PTPRM: variants seen among roughly 807,000 people sequenced by gnomAD.
PTPRM encodes receptor-type tyrosine-protein phosphatase mu.
In PTPRM, 47 loss-of-function variants were observed where a neutral mutation model predicts 186.7. The ratio of observed to expected loss-of-function variants is 0.25; its 90% CI spans 0.20 to 0.32. PTPRM has a LOEUF of 0.32. Among genes scored for constraint, PTPRM ranks in the 10% least tolerant of loss-of-function variants. The pLI is 1.00. For missense variants in PTPRM, 1,494 were observed against 1,865.0 expected (o/e 0.80, Z 3.66); for synonymous variants, 668 against 674.9 (o/e 0.99, Z 0.16).
intron 19 of PTPRM, among the ~76,000 whole-genome samples, chr18:8,274,248 G>A (rs6417047): frequency 0.5 from 76,240 of 151,988 alleles, 19,457 homozygotes; most frequent in African/African-American, 0.57. Flanking sequence ...TGACCCCTTA[G>A]CCATTTTAAA....
At chr18:7,630,124 G>A (rs2038157080) in intron 1 of PTPRM, among the ~76,000 whole-genome samples, 1 of 152,154 alleles carries the variant, frequency 6.6e-6, no homozygotes, top group African/African-American at 2.4e-5. Flanking sequence ...TGTCTAATGG[G>A]TGGTTGGGTA....
intron 20 of PTPRM, among the ~76,000 whole-genome samples, chr18:8,297,495 CG>C (rs981289405): frequency 1.3e-5 from 2 of 152,178 alleles, no homozygotes; most frequent in African/African-American, 4.8e-5. Flanking sequence ...CTGTCCCAGA[CG>C]GTAGCCATGA....
At chr18:8,368,752 G>C (rs1050823637) in intron 23 of PTPRM, among the ~76,000 whole-genome samples, 1 of 152,084 alleles carries the variant, frequency 6.6e-6, no homozygotes, top group Non-Finnish European at 1.5e-5. Context: ...TCCCAGTCTG[G>C]GACTTTCCTT....
intron 1 of PTPRM, among the ~76,000 whole-genome samples, chr18:7,599,774 A>G (rs1211727768): frequency 6.6e-6 from 1 of 152,158 alleles, no homozygotes; most frequent in Non-Finnish European, 1.5e-5. Context: ...GTTTGTGATG[A>G]GAGCTGTTCT....
At chr18:7,605,553 C>A (rs897937418) in intron 1 of PTPRM, among the ~76,000 whole-genome samples, 3 of 152,084 alleles carry the variant, frequency 2.0e-5, no homozygotes, top group Non-Finnish European at 4.4e-5. Context: ...AAAATGAGCT[C>A]GTCTTTTTAA....
At chr18:7,891,396 C>T (rs1046738115) in intron 3 of PTPRM, among the ~76,000 whole-genome samples, 4 of 151,324 alleles carry the variant, frequency 2.6e-5, no homozygotes, top group East Asian at 3.9e-4. Context: ...TTTTCCCCAA[C>T]GTACATGTAC....
intron 7 of PTPRM, among the ~76,000 whole-genome samples, chr18:7,964,897 T>A (rs2053921535): frequency 6.6e-6 from 1 of 152,074 alleles, no homozygotes; most frequent in Non-Finnish European, 1.5e-5. Flanking sequence ...GGCAAAAAAA[T>A]AGAATAACTG....
At chr18:8,297,225 G>A (rs2095107133) in intron 20 of PTPRM, among the ~76,000 whole-genome samples, 1 of 152,184 alleles carries the variant, frequency 6.6e-6, no homozygotes, top group Non-Finnish European at 1.5e-5. Flanking sequence ...TATTTATAAA[G>A]ATACATAAAT....
intron 3 of PTPRM, among the ~76,000 whole-genome samples, chr18:7,893,186 G>A (rs1338115286): frequency 1.3e-5 from 2 of 151,424 alleles, no homozygotes; most frequent in Non-Finnish European, 2.9e-5. Context: ...TTTTTTCTTT[G>A]CATAAACAAT....
intron 14 of PTPRM, among the ~76,000 whole-genome samples, chr18:8,176,611 C>T (rs541482421): frequency 6.6e-6 from 1 of 152,314 alleles, no homozygotes; most frequent in East Asian, 1.9e-4. Flanking sequence ...TCATCCCCAA[C>T]AGGATGGCAA....
intron 23 of PTPRM, among the ~76,000 whole-genome samples, chr18:8,352,270 TTAG>T (rs1448516278): frequency 6.6e-6 from 1 of 152,206 alleles, no homozygotes; most frequent in African/African-American, 2.4e-5. Context: ...GAGCTGGACC[TTAG>T]TAGGAGGAAG....
In PTPRM at chr18:7,903,487, A is replaced by G. The variant is rs79481579; in HGVS notation, c.469-3018A>G. ...TGAGGGGACCTGTTTTGAGGGCCTCAGGAATGCTTTTTCCTTTACTTGCTC... is the reference window on the plus strand; with the variant it reads ...TGAGGGGACCTGTTTTGAGGGCCTCGGGAATGCTTTTTCCTTTACTTGCTC... On this transcript the variant is annotated intron_variant, in intron 3 of 32. Coordinates refer to ENST00000580170, the MANE Select transcript of PTPRM (RefSeq NM_001105244.2). Among the ~76,000 whole-genome samples, 466 of 152,296 alleles carry G rather than the reference A, an allele frequency of 3.1e-3. 1 individual carries two copies. The highest frequency in any genetic ancestry group is 4.8e-3 in the Non-Finnish European group (329 of 68,012).
At chr18:8,066,698 C>A (rs978589002) in intron 7 of PTPRM, among the ~76,000 whole-genome samples, 3 of 152,184 alleles carry the variant, frequency 2.0e-5, no homozygotes, top group Non-Finnish European at 4.4e-5. Context: ...AGTTATGCTT[C>A]AACGTAAAGA....
At chr18:7,686,529 A>G (rs944750371) in intron 1 of PTPRM, among the ~76,000 whole-genome samples, 2 of 152,054 alleles carry the variant, frequency 1.3e-5, no homozygotes, top group Non-Finnish European at 2.9e-5. Context: ...ACTAGTGTAT[A>G]AGAAGGGTCC....
intron 1 of PTPRM, among the ~76,000 whole-genome samples, chr18:7,756,782 G>A (rs1040972610): frequency 2.0e-5 from 3 of 152,314 alleles, no homozygotes; most frequent in Non-Finnish European, 4.4e-5. Flanking sequence ...CTCTGGGACT[G>A]CAGGCAAGCC....
intron 7 of PTPRM, among the ~76,000 whole-genome samples, chr18:7,960,883 T>G (rs1368876964): frequency 6.6e-6 from 1 of 152,120 alleles, no homozygotes; most frequent in African/African-American, 2.4e-5. Flanking sequence ...GAGATGATAT[T>G]TTTTATTATT....
chr18:8,328,588 T>C (rs765156233), intron 22 of PTPRM, among the ~76,000 whole-genome samples: 1 of 152,242 alleles, frequency 6.6e-6, no homozygotes, highest in Non-Finnish European at 1.5e-5. Context: ...TTAAAAGTAT[T>C]ACCTAGTGAA....
At chr18:8,240,198 A>C (rs935635666) in intron 14 of PTPRM, among the ~76,000 whole-genome samples, 1 of 152,140 alleles carries the variant, frequency 6.6e-6, no homozygotes, top group South Asian at 2.1e-4. Flanking sequence ...CTCTTTCTTG[A>C]TGTAACCCTT....
intron 1 of PTPRM, 127 bp from the exon 2 acceptor site, chr18:7,774,022 G>A: frequency 1.1e-6 from 1 of 945,466 alleles, no homozygotes; most frequent in Admixed American, 2.5e-5. Context: ...CTCCTGAGTG[G>A]AAAGACCTAA....
Sources: allele counts gnomAD v4.1 joint callset (sites outside exome capture counted in the v4.1 genomes callset), GRCh38; gene constraint gnomAD v4.1.1; transcripts MANE v1.5; gene names NCBI Gene and HGNC (gene_info 2026-07-23, HGNC 2026-07-21).